Variants in MYO9B observed in about 807,000 individuals in gnomAD.
MYO9B encodes the protein unconventional myosin-IXb.
In MYO9B, 71 loss-of-function variants were observed where a neutral mutation model predicts 229.5. The observed-to-expected ratio is 0.31, with a 90% CI of 0.26 to 0.38. The LOEUF is 0.38. MYO9B is among the 10% of genes least tolerant of loss of function. The pLI is 1.00. For synonymous variants in MYO9B, 1,185 were observed against 1,235.8 expected, an observed-to-expected ratio of 0.96 and a Z score of 0.86; for missense variants, 2,255 against 2,920.5, an observed-to-expected ratio of 0.77 and a Z score of 5.25.
chr19:17,200,189 C>T (rs79115756), intron 24 of MYO9B, 104 bp from the exon 25 acceptor site: 84,579 of 1,392,750 alleles, frequency 0.061, 2,850 homozygotes, highest in Non-Finnish European at 0.068. Context: ...TTTTTTGAGT[C>T]AGGCATTGAT....
chr19:17,145,591 G>A (rs1854737671), intron 3 of MYO9B, 100 bp downstream of exon 3: 1 of 1,043,566 alleles, frequency 9.6e-7, no homozygotes, highest in African/African-American at 1.6e-5. Context: ...ATGGCTGTGT[G>A]GATGTTTATG....
chr19:17,138,643 T>C (rs1209829537), intron 2 of MYO9B, among the ~76,000 whole-genome samples: 1 of 152,152 alleles, frequency 6.6e-6, no homozygotes, highest in Non-Finnish European at 1.5e-5. Flanking sequence ...CACTCAGTGG[T>C]CAGCCAGTGT....
In MYO9B at chr19:17,198,317, T is replaced by C. The variant is rs367678268; in HGVS notation, c.4238+9T>C. On this transcript the variant is annotated intron_variant, in intron 24 of 39. Coordinates refer to ENST00000682292, the MANE Select transcript of MYO9B (RefSeq NM_004145.4). ...TCTCAGGTCGACTCTAAGTAAGTAT[T>C]GGGCTTGGGGGAAACTCAGGCCACC... The C allele has an allele frequency of 6.2e-7, 1 of 1,613,528 alleles. No homozygotes were observed. Among genetic ancestry groups the C allele is most frequent in the Non-Finnish European group, 8.5e-7 (1 of 1,179,762 alleles).
At position 17,197,941 on chromosome 19, in the gene MYO9B, C is replaced by T; in HGVS notation, c.4113+83C>T. 3 of 1,532,704 alleles carry T rather than the reference C, an allele frequency of 2.0e-6. No homozygotes were observed. In the South Asian group the frequency reaches 3.4e-5, roughly 17 times the overall value. 94.9% of individuals were successfully genotyped at this position (1,532,704 alleles called of 1,614,324 possible). On this transcript the variant is annotated intron_variant, in intron 23 of 39. Transcript: ENST00000682292. ...TGGTGGCGCTTGCCTGTAACCCCAG[C>T]TACTCAGGAGGCTGAGGCGAGAGAA...
At chr19:17,114,291 A>G (rs993419791) in intron 2 of MYO9B, among the ~76,000 whole-genome samples, 2 of 152,090 alleles carry the variant, frequency 1.3e-5, no homozygotes, top group African/African-American at 4.8e-5. Flanking sequence ...ATTCGGCACG[A>G]TTGTGGAGTG....
At chr19:17,142,841 C>A (rs541655735) in intron 2 of MYO9B, among the ~76,000 whole-genome samples, 1 of 152,248 alleles carries the variant, frequency 6.6e-6, no homozygotes, top group African/African-American at 2.4e-5. Flanking sequence ...AAAAAACAAG[C>A]ATCAGACCAG....
chr19:17,181,123 T>C lies in MYO9B; in HGVS notation c.2333+83T>C. On this transcript the variant is annotated intron_variant, in intron 15 of 39. Transcript: ENST00000682292. ...GCGACCCCGGCGGGGCCTGCAGTCT[T>C]CCTAATTTGCATCGGCCACTAAAAC... The C allele has an allele frequency of 3.2e-6, 3 of 947,910 alleles. 1 individual carries two copies. The highest frequency in any genetic ancestry group is 4.8e-6 in the Non-Finnish European group (3 of 624,604). The allele number at this position is 947,910 out of a possible 1,614,324, so 58.7% of individuals were successfully genotyped here. A position where few individuals can be genotyped will look rare whatever the true frequency, so the allele number is the denominator to read the frequency against.
intron 2 of MYO9B, among the ~76,000 whole-genome samples, chr19:17,111,084 A>G (rs2057843643): frequency 6.6e-6 from 1 of 152,136 alleles, no homozygotes; most frequent in Non-Finnish European, 1.5e-5. Context: ...TCTGCCCTCA[A>G]GGACACCTGC....
At chr19:17,157,488 G>A (rs1022805391) in intron 7 of MYO9B, 1 of 160,208 alleles carries the variant, frequency 6.2e-6, no homozygotes, top group African/African-American at 2.4e-5. Flanking sequence ...GAACCTGGGA[G>A]GCAGAGGCTG....
At position 17,205,945 on chromosome 19, in the gene MYO9B, A is replaced by G. The variant is rs771405786; in HGVS notation, c.5065-15A>G. On this transcript the variant is annotated splice_polypyrimidine_tract_variant and intron_variant, in intron 31 of 39. Coordinates refer to ENST00000682292, the MANE Select transcript of MYO9B (RefSeq NM_004145.4). ...CAGCCAGGCCCAGACCTGACCCCCA[A>G]CCCCGGCACTGCAGGGCGAGCCAGG... 3.2e-6 allele frequency: 5 copies of G among 1,542,772 alleles called. No homozygotes were observed. Among genetic ancestry groups the G allele is most frequent in the Admixed American group, 1.9e-5 (1 of 52,282 alleles).
chr19:17,197,889 A>C lies in MYO9B; in HGVS notation c.4113+31A>C, dbSNP rs777723462. On this transcript the variant is annotated intron_variant, in intron 23 of 39. Transcript: ENST00000682292. ...AACAACACGGCAAAACCCCGTCTCC[A>C]CTAAAAATACAAAAATCAGCCAGGC... The C allele has an allele frequency of 3.1e-6, 5 of 1,609,480 alleles. No individual in the cohort carries two copies. In the African/African-American group the frequency reaches 6.7e-5, roughly 22 times the overall value.
At chr19:17,166,073 T>C (rs2072656278) in intron 10 of MYO9B, among the ~76,000 whole-genome samples, 1 of 152,094 alleles carries the variant, frequency 6.6e-6, no homozygotes, top group Admixed American at 6.6e-5. Flanking sequence ...GGCAGAGTCT[T>C]GCCCTGTCAT....
intron 10 of MYO9B, 39 bp from the exon 11 acceptor site, chr19:17,167,904 G>A: frequency 1.3e-6 from 2 of 1,550,210 alleles, no homozygotes; most frequent in Non-Finnish European, 1.7e-6. Context: ...TACATATCTG[G>A]GAGATAAGAA....
chr19:17,088,269 C>T (rs1048734081), intron 1 of MYO9B, among the ~76,000 whole-genome samples: 3 of 152,228 alleles, frequency 2.0e-5, no homozygotes, highest in Non-Finnish European at 2.9e-5. Flanking sequence ...GCACATGTCT[C>T]TTTTCCTTTT....
chr19:17,117,126 G>T (rs1009203367), intron 2 of MYO9B, among the ~76,000 whole-genome samples: 1 of 152,150 alleles, frequency 6.6e-6, no homozygotes, highest in Non-Finnish European at 1.5e-5. Context: ...ATGTTCTGGG[G>T]GTTTTACTGC....
At chr19:17,080,269 G>A (rs2057522764) in intron 1 of MYO9B, among the ~76,000 whole-genome samples, 1 of 152,202 alleles carries the variant, frequency 6.6e-6, no homozygotes, top group South Asian at 2.1e-4. Context: ...TAGGGCTGCT[G>A]TAACAGAACC....
At position 17,209,590 on chromosome 19, in the gene MYO9B, G is replaced by A. The variant is rs1010082950; in HGVS notation, c.5629G>A (p.Val1877Met). ...TCCCGTGGGCCTTCTCTGTAGGTGC[G>A]TGGAGATGCTGATCAAGGAGCAGAT... ...MKDVLKITTCVEMLIKEQMRK... is the reference protein window; with the variant it reads ...MKDVLKITTCMEMLIKEQMRK... Residue 1877 changes from valine (V) to methionine (M), a missense_variant, in exon 36 of 40, where the codon GTG (valine) becomes ATG (methionine). Coordinates refer to ENST00000682292, the MANE Select transcript of MYO9B (RefSeq NM_004145.4). 31 of 1,591,026 alleles carry A rather than the reference G, an allele frequency of 1.9e-5. No homozygotes were observed. The highest frequency in any genetic ancestry group is 2.7e-5 in the Non-Finnish European group (31 of 1,168,992).
intron 10 of MYO9B, among the ~76,000 whole-genome samples, chr19:17,163,373 T>A (rs953938621): frequency 1.3e-4 from 2 of 15,142 alleles, no homozygotes; most frequent in African/African-American, 5.4e-4. Flanking sequence ...CCCATTCCAC[T>A]TTTTTTTTTT....
chr19:17,098,993 AG>A (rs1568659864), intron 1 of MYO9B, among the ~76,000 whole-genome samples: 1 of 126,988 alleles, frequency 7.9e-6, no homozygotes, highest in Non-Finnish European at 1.7e-5. Flanking sequence ...AAAAAAAAAA[AG>A]GGCTAGGTGC....
Sources: gnomAD v4.1 joint callset for allele counts (sites outside exome capture counted in the v4.1 genomes callset) on GRCh38, gnomAD v4.1.1 for gene constraint, MANE v1.5 for transcripts, NCBI Gene and HGNC (gene_info 2026-07-23, HGNC 2026-07-21) for gene names.